Variants in PAQR3 observed in about 807,000 individuals in gnomAD.
PAQR3 encodes progestin and adipoQ receptor family member 3, also known as Raf kinase trapping to Golgi.
A neutral mutation model predicts 41.7 loss-of-function variants in PAQR3; 39 were observed. The ratio of observed to expected loss-of-function variants is 0.93; its 90% CI spans 0.72 to 1.22. The LOEUF (loss-of-function observed/expected upper bound fraction) is 1.22, where lower values mean the gene tolerates loss of function less well. PAQR3 is among the 50% of genes most tolerant of loss of function. The probability of loss-of-function intolerance (pLI) is 0.00; values close to 1 mark genes in which losing one functional copy is unlikely to be tolerated. For synonymous variants in PAQR3, 140 were observed against 140.6 expected (o/e 1.00, Z 0.03); for missense variants, 366 against 385.6 (o/e 0.95, Z 0.42).
intron 11 of PAQR3, among the ~76,000 whole-genome samples, chr4:78,901,128 G>A (rs761270138): frequency 2.0e-5 from 3 of 152,008 alleles, no homozygotes; most frequent in South Asian, 2.1e-4. Flanking sequence ...ACTACAGCCC[G>A]GACCTCTTGG....
intron 2 of PAQR3, among the ~76,000 whole-genome samples, chr4:78,934,188 T>C (rs1054621298): frequency 1.1e-4 from 16 of 152,222 alleles, no homozygotes; most frequent in Non-Finnish European, 1.8e-4. Flanking sequence ...ATTCCAAAAA[T>C]TGGAATTAAT....
chr4:78,912,290 T>C lies in PAQR3; in HGVS notation c.*8249A>G. 2.6e-6 allele frequency: 1 copy of C among 384,614 alleles called. No individual in the cohort carries two copies. The highest frequency in any genetic ancestry group is 4.1e-5 in the East Asian group (1 of 24,400). The allele number at this position is 384,614 out of a possible 1,614,324, so 23.8% of individuals were successfully genotyped here. A position where few individuals can be genotyped will look rare whatever the true frequency, so the allele number is the denominator to read the frequency against. On this transcript the variant is annotated 3_prime_UTR_variant, in exon 6 of 6. Coordinates refer to ENST00000512733, the MANE Select transcript of PAQR3 (RefSeq NM_001040202.2). ...TGCTACTGACATCACAACACAGAAATGCAAGTGTGGTACTTCCAGTGAAAG... is the reference window on the plus strand; with the variant it reads ...TGCTACTGACATCACAACACAGAAACGCAAGTGTGGTACTTCCAGTGAAAG...
chr4:78,924,795 T>C (rs1354967880), intron 4 of PAQR3, among the ~76,000 whole-genome samples: 1 of 151,146 alleles, frequency 6.6e-6, no homozygotes, highest in Non-Finnish European at 1.5e-5. Flanking sequence ...GTGGGACGAC[T>C]GCTTGAGCCG....
chr4:78,911,220 G>A (rs1734576783), downstream of PAQR3: 2 of 1,613,828 alleles, frequency 1.2e-6, no homozygotes, highest in Non-Finnish European at 1.7e-6. Flanking sequence ...CAGGACTGGA[G>A]CAGGAGGAAT....
At chr4:78,933,361 A>G (rs370121890) in intron 2 of PAQR3, 1 of 434,222 alleles carries the variant, frequency 2.3e-6, no homozygotes, top group East Asian at 7.0e-5. Flanking sequence ...AAGCCCCTCA[A>G]TTACATTCTA....
At chr4:78,894,380 A>C (rs1347712350) in intron 11 of PAQR3, among the ~76,000 whole-genome samples, 1 of 152,216 alleles carries the variant, frequency 6.6e-6, no homozygotes, top group Non-Finnish European at 1.5e-5. Flanking sequence ...CAGTGATCTT[A>C]GTGAAATCTT....
chr4:78,919,623 T>A lies in PAQR3; in HGVS notation c.*916A>T. 7.1e-6 allele frequency: 7 copies of A among 985,080 alleles called. No individual in the cohort carries two copies. Among genetic ancestry groups the A allele is most frequent in the Non-Finnish European group, 8.4e-6 (7 of 829,764 alleles). 61.0% of individuals were successfully genotyped at this position (985,080 alleles called of 1,614,324 possible). ...CAGGGTCAAGACAGGGCCATCTAGA[T>A]TCTATGGCCTTGCAAGTAGCACCCA... On this transcript the variant is annotated 3_prime_UTR_variant, in exon 6 of 6. Transcript: ENST00000512733.
At chr4:78,907,817 A>G (rs1171734096), downstream of PAQR3, among the ~76,000 whole-genome samples, 2 of 152,088 alleles carry the variant, frequency 1.3e-5, no homozygotes, top group East Asian at 1.9e-4. Context: ...TTTGGGCAAC[A>G]TTGGAATGTT....
At chr4:78,926,110 A>T (rs1736190575) in intron 4 of PAQR3, among the ~76,000 whole-genome samples, 1 of 152,038 alleles carries the variant, frequency 6.6e-6, no homozygotes, top group Non-Finnish European at 1.5e-5. Context: ...TCCAACAAAA[A>T]AAATCCTTCC....
downstream of PAQR3, among the ~76,000 whole-genome samples, chr4:78,907,167 CTG>C (rs1376190432): frequency 6.6e-6 from 1 of 152,068 alleles, no homozygotes; most frequent in African/African-American, 2.4e-5. Context: ...AAATAATAGA[CTG>C]TTGATACCTG....
chr4:78,929,001 C>T (rs1009590957), intron 3 of PAQR3, among the ~76,000 whole-genome samples: 1 of 152,204 alleles, frequency 6.6e-6, no homozygotes, highest in Non-Finnish European at 1.5e-5. Flanking sequence ...AACGCTGCTG[C>T]TGATCTGACA....
chr4:78,922,090 A>G, intron 5 of PAQR3: 2 of 1,037,108 alleles, frequency 1.9e-6, no homozygotes, highest in South Asian at 3.6e-5. Flanking sequence ...TAAAGAAAAT[A>G]CAGAATTTTA....
At chr4:78,896,655 C>A (rs1275479213) in intron 11 of PAQR3, among the ~76,000 whole-genome samples, 1 of 152,134 alleles carries the variant, frequency 6.6e-6, no homozygotes, top group African/African-American at 2.4e-5. Flanking sequence ...AATATGTCTA[C>A]TTGATTTTTA....
chr4:78,934,524 G>A (rs1417541860), intron 2 of PAQR3, among the ~76,000 whole-genome samples: 1 of 152,116 alleles, frequency 6.6e-6, no homozygotes, highest in African/African-American at 2.4e-5. Context: ...TTATCTGTTT[G>A]AAATCTAATA....
At chr4:78,909,129 G>T (rs574168832), downstream of PAQR3, among the ~76,000 whole-genome samples, 55 of 145,198 alleles carry the variant, frequency 3.8e-4, 1 homozygote, top group South Asian at 0.012. Context: ...TGCGATCTTG[G>T]CTCACTGCAA....
intron 11 of PAQR3, among the ~76,000 whole-genome samples, chr4:78,900,669 T>C (rs2110094031): frequency 6.6e-6 from 1 of 152,358 alleles, no homozygotes; most frequent in South Asian, 2.1e-4. Context: ...GTTTATGATA[T>C]CATTTCCAGA....
At chr4:78,931,484 A>G (rs1736888810) in intron 2 of PAQR3, among the ~76,000 whole-genome samples, 1 of 152,220 alleles carries the variant, frequency 6.6e-6, no homozygotes, top group African/African-American at 2.4e-5. Context: ...ATCTGATTCA[A>G]TCAGCTGTTC....
chr4:78,908,970 T>G (rs1734426161), downstream of PAQR3, among the ~76,000 whole-genome samples: 2 of 150,854 alleles, frequency 1.3e-5, no homozygotes, highest in Non-Finnish European at 2.9e-5. Flanking sequence ...GCCACCACTG[T>G]CATGTCATCT....
chr4:78,920,780 A>T, intron 5 of PAQR3, 99 bp from the exon 6 acceptor site: 1 of 1,354,942 alleles, frequency 7.4e-7, no homozygotes. Context: ...AAAAATTTTC[A>T]TAGTCTCAGA....
Sources: allele counts gnomAD v4.1 joint callset (sites outside exome capture counted in the v4.1 genomes callset), GRCh38; gene constraint gnomAD v4.1.1; transcripts MANE v1.5; gene names NCBI Gene and HGNC (gene_info 2026-07-23, HGNC 2026-07-21).